The following CTNND2 variants were observed in gnomAD, a reference collection of about 807,000 sequenced individuals.
CTNND2 encodes catenin delta 2, also known as catenin delta-2.
Under a neutral mutation model 144.4 loss-of-function variants are expected in CTNND2, and 22 were observed. The observed-to-expected ratio is 0.15, with a 90% CI of 0.11 to 0.22. The LOEUF (loss-of-function observed/expected upper bound fraction) is 0.22. Among genes scored for constraint, CTNND2 ranks in the 10% least tolerant of loss-of-function variants. The pLI is 1.00. For missense variants in CTNND2, 1,353 were observed against 1,618.8 expected (o/e 0.84, Z 2.82); for synonymous variants, 751 against 695.6 (o/e 1.08, Z -1.25).
chr5:11,064,552 C>T (rs557725008), intron 16 of CTNND2, among the ~76,000 whole-genome samples: 9 of 151,966 alleles, frequency 5.9e-5, no homozygotes, highest in South Asian at 2.1e-4. Flanking sequence ...CCTCCTTCTC[C>T]GGTAACTGTC....
At chr5:11,474,614 G>A (rs142141212) in intron 3 of CTNND2, among the ~76,000 whole-genome samples, 141 of 152,250 alleles carry the variant, frequency 9.3e-4, no homozygotes, top group African/African-American at 3.3e-3. Flanking sequence ...ACCAACGCAG[G>A]TGTCTCCTTA....
chr5:10,981,904 T>G, intron 20 of CTNND2, 58 bp from the exon 21 acceptor site: 1 of 1,439,436 alleles, frequency 6.9e-7, no homozygotes, highest in Non-Finnish European at 9.7e-7. Context: ...AAATAAGGAA[T>G]AGTTGTTATT....
At chr5:11,800,767 G>A (rs982960466) in intron 1 of CTNND2, among the ~76,000 whole-genome samples, 5 of 152,084 alleles carry the variant, frequency 3.3e-5, no homozygotes, top group African/African-American at 9.7e-5. Flanking sequence ...TCAGCTATTG[G>A]AAAACCTAAT....
chr5:11,041,340 G>A (rs1744677507), intron 16 of CTNND2, among the ~76,000 whole-genome samples: 1 of 152,134 alleles, frequency 6.6e-6, no homozygotes, highest in Admixed American at 6.5e-5. Flanking sequence ...TTACCCTAGG[G>A]ATATAAAAAT....
chr5:11,424,372 T>G (rs542241041), intron 3 of CTNND2, among the ~76,000 whole-genome samples: 1 of 152,282 alleles, frequency 6.6e-6, no homozygotes, highest in African/African-American at 2.4e-5. Flanking sequence ...GGGGGAGACT[T>G]GCAGTTATGG....
At chr5:11,590,991 T>G (rs1320469068) in intron 2 of CTNND2, among the ~76,000 whole-genome samples, 10 of 152,246 alleles carry the variant, frequency 6.6e-5, no homozygotes, top group Admixed American at 2.0e-4. Context: ...TCACCTTTAC[T>G]TAGGTATTGA....
intron 18 of CTNND2, among the ~76,000 whole-genome samples, chr5:11,011,833 T>C (rs852620): frequency 0.28 from 42,381 of 151,964 alleles, 6,455 homozygotes; most frequent in East Asian, 0.62. Context: ...CATGGGACTC[T>C]GTTTCCTATA....
rs116816126 is a variant in CTNND2 at position 11,564,887 on chromosome 5, C to T, written c.287+57G>A. ...CGGGTTGGAAAGAAGAGAAACATCA[C>T]GATTTACTTGCAGGGGCAACTCAAA... On this transcript the variant is annotated intron_variant, in intron 3 of 21. Coordinates refer to ENST00000304623, the MANE Select transcript of CTNND2 (RefSeq NM_001332.4). The T allele has an allele frequency of 0.017, 20,399 of 1,207,238 alleles. 246 individuals carry two copies. Among genetic ancestry groups the T allele is most frequent in the Middle Eastern group, 0.029 (147 of 5,124 alleles). 74.8% of individuals were successfully genotyped at this position (1,207,238 alleles called of 1,614,324 possible). A position where few individuals can be genotyped will look rare whatever the true frequency, so the allele number is the denominator to read the frequency against.
chr5:11,305,152 G>A (rs924512598), intron 9 of CTNND2, among the ~76,000 whole-genome samples: 4 of 152,246 alleles, frequency 2.6e-5, no homozygotes, highest in Non-Finnish European at 5.9e-5. Flanking sequence ...TGTTCTGAGC[G>A]CCTTTCAAAT....
chr5:11,224,376 A>G (rs1294516875), intron 10 of CTNND2, among the ~76,000 whole-genome samples: 1 of 152,162 alleles, frequency 6.6e-6, no homozygotes, highest in Non-Finnish European at 1.5e-5. Context: ...TCTTGTGTTC[A>G]CAAAGGTTGT....
intron 1 of CTNND2, among the ~76,000 whole-genome samples, chr5:11,793,269 C>T (rs989597798): frequency 5.9e-5 from 9 of 152,150 alleles, no homozygotes; most frequent in African/African-American, 2.2e-4. Flanking sequence ...TTTTCCATTT[C>T]TCAGGAAATG....
intron 1 of CTNND2, among the ~76,000 whole-genome samples, chr5:11,823,669 A>G (rs1217908678): frequency 6.6e-6 from 1 of 152,220 alleles, no homozygotes; most frequent in Non-Finnish European, 1.5e-5. Context: ...TTTAAGGGAA[A>G]GGTATTATTC....
chr5:11,299,118 C>CTTT (rs1356541921), intron 9 of CTNND2, among the ~76,000 whole-genome samples: 1 of 152,102 alleles, frequency 6.6e-6, no homozygotes, highest in East Asian at 1.9e-4. Context: ...GCATATCAGT[C>CTTT]ACCTCTTTAG....
chr5:11,436,159 G>T (rs1449050809), intron 3 of CTNND2, among the ~76,000 whole-genome samples: 1 of 152,024 alleles, frequency 6.6e-6, no homozygotes, highest in East Asian at 1.9e-4. Context: ...TACCCTTCAG[G>T]AATATACACT....
chr5:11,631,670 C>T (rs1188290236), intron 2 of CTNND2, among the ~76,000 whole-genome samples: 1 of 152,198 alleles, frequency 6.6e-6, no homozygotes, highest in Non-Finnish European at 1.5e-5. Context: ...AGCTCCCTTT[C>T]AGACAAATAT....
chr5:11,863,382 C>T (rs1229677816), intron 1 of CTNND2, among the ~76,000 whole-genome samples: 1 of 152,124 alleles, frequency 6.6e-6, no homozygotes, highest in Non-Finnish European at 1.5e-5. Context: ...CCAGATATAT[C>T]ACACCAGGAC....
rs1165937553 is a variant in CTNND2, at chr5:11,470,979, TA to T, written c.288-58911del. Among the ~76,000 whole-genome samples, 478 of 92,942 alleles carry T rather than the reference TA, an allele frequency of 5.1e-3. 4 individuals are homozygous for T. Among genetic ancestry groups the T allele is most frequent in the African/African-American group, 0.017 (243 of 14,362 alleles). 61.0% of individuals were successfully genotyped at this position (92,942 alleles called of 152,430 possible). A position where few individuals can be genotyped will look rare whatever the true frequency, so the allele number is the denominator to read the frequency against. On this transcript the variant is annotated intron_variant, in intron 3 of 21. Transcript: ENST00000304623. ...GTATATATATATATATATATATATA[TA>T]TTTTTTTTTTTTTTTTAGATGGAGT...
At chr5:11,742,148 A>G (rs962760934) in intron 1 of CTNND2, among the ~76,000 whole-genome samples, 2 of 152,064 alleles carry the variant, frequency 1.3e-5, no homozygotes, top group African/African-American at 2.4e-5. Context: ...AATCACCACT[A>G]AAGAACTTAC....
At chr5:11,677,525 T>C (rs542839971) in intron 2 of CTNND2, among the ~76,000 whole-genome samples, 18 of 152,342 alleles carry the variant, frequency 1.2e-4, no homozygotes, top group Middle Eastern at 3.4e-3. Flanking sequence ...ATAGCGATTA[T>C]GATTCCTTAG....
Sources: allele counts gnomAD v4.1 joint callset (sites outside exome capture counted in the v4.1 genomes callset), GRCh38; gene constraint gnomAD v4.1.1; transcripts MANE v1.5; gene names NCBI Gene and HGNC (gene_info 2026-07-23, HGNC 2026-07-21).